The following HERC1 variants were observed in gnomAD, a reference collection of about 807,000 sequenced individuals.
The protein encoded by HERC1 is probable E3 ubiquitin-protein ligase HERC1.
Under a neutral mutation model 554.3 loss-of-function variants are expected in HERC1, and 160 were observed. That is an observed-to-expected ratio of 0.29 (90% CI 0.25 to 0.33). The LOEUF is 0.33. Ranked by LOEUF, HERC1 falls within the 10% of genes least tolerant of loss-of-function variation. The pLI is 1.00. For synonymous variants in HERC1, 2,175 were observed against 2,131.7 expected (o/e 1.02, Z -0.56); for missense variants, 4,919 against 5,918.5 (o/e 0.83, Z 5.54).
intron 1 of HERC1, among the ~76,000 whole-genome samples, chr15:63,777,678 A>G (rs1327279927): frequency 6.6e-6 from 1 of 152,120 alleles, no homozygotes; most frequent in Non-Finnish European, 1.5e-5. Flanking sequence ...TTCTAAATCT[A>G]TCTTTTACAT....
chr15:63,673,260 A>G (rs1463103777), intron 38 of HERC1, among the ~76,000 whole-genome samples: 1 of 152,192 alleles, frequency 6.6e-6, no homozygotes, highest in Non-Finnish European at 1.5e-5. Context: ...AAACATAACT[A>G]AAATATGAGT....
chr15:63,690,854 T>C (rs1384179545), intron 31 of HERC1, among the ~76,000 whole-genome samples: 1 of 152,202 alleles, frequency 6.6e-6, no homozygotes, highest in Non-Finnish European at 1.5e-5. Context: ...TTTTTATGTA[T>C]ACATAATGGG....
In HERC1 at chr15:63,661,887, G is replaced by A; in HGVS notation, c.9036C>T (p.Arg3012=). The A allele has an allele frequency of 6.2e-7, 1 of 1,613,976 alleles. No individual in the cohort carries two copies. The highest frequency in any genetic ancestry group is 8.5e-7 in the Non-Finnish European group (1 of 1,179,882). ...AGCCATCCACATAGGAACCATTGCT[G>A]CGATAGCCCTGGCGGTTTGCACTGC... ...CGRSANRQGY[R]SNGSYVDGWF... Residue 3012 remains arginine (R), a synonymous_variant, in exon 45 of 78, where the codon CGC becomes CGT. Coordinates refer to ENST00000443617, the MANE Select transcript of HERC1 (RefSeq NM_003922.4).
chr15:63,697,418 G>A (rs1490749961), intron 26 of HERC1, among the ~76,000 whole-genome samples: 2 of 150,722 alleles, frequency 1.3e-5, no homozygotes, highest in Admixed American at 6.6e-5. Flanking sequence ...ACACTATATC[G>A]ACATGACTTA....
At position 63,746,975 on chromosome 15, in the gene HERC1, T is replaced by C. The variant is rs372810110; in HGVS notation, c.2463A>G (p.Pro821=). The stretch of plus-strand genomic sequence containing the variant: ...TCAGTCTGAAGAGCAAATTTCGAAG[T>C]GGACCTGCCTGCCTCCCGAGAATGC... The part of the protein sequence containing the change: ...ATSILGRQAG[P]LRNLLFRLMD... The change falls in exon 12 of 78, where the codon CCA becomes CCG. Residue 821 remains proline, a synonymous_variant. Coordinates refer to ENST00000443617, the MANE Select transcript of HERC1 (RefSeq NM_003922.4). 13 of 1,559,020 alleles carry C rather than the reference T, an allele frequency of 8.3e-6. No homozygotes were observed. In the South Asian group the frequency reaches 1.4e-4, roughly 17 times the overall value.
chr15:63,694,386 C>T lies in HERC1; in HGVS notation c.5406G>A (p.Thr1802=), dbSNP rs776755725. 12 of 1,613,908 alleles carry T rather than the reference C, an allele frequency of 7.4e-6. No individual in the cohort carries two copies. Among genetic ancestry groups the T allele is most frequent in the Non-Finnish European group, 8.5e-6 (10 of 1,179,880 alleles). Residue 1802 remains threonine (T), a synonymous_variant, in exon 29 of 78, where the codon ACG becomes ACA. Transcript: ENST00000443617. The surrounding 1 kb of genome is among the most constrained non-coding windows in gnomAD (Gnocchi z 4.3). ...LGQPLQLLPK[T]GVSQLSTALK... ...AAGCTGTGCTAAGCTGGGAAACACC[C>T]GTCTTTGGCAACAACTGCAGGGGCT...
chr15:63,614,653 C>T (rs2067739295), intron 76 of HERC1, among the ~76,000 whole-genome samples: 1 of 152,118 alleles, frequency 6.6e-6, no homozygotes, highest in African/African-American at 2.4e-5. Context: ...CTTGAGAAGA[C>T]CCCAACATAT....
Position 63,655,841 on chromosome 15 carries a change from A to C in HERC1, c.9985T>G (p.Ser3329Ala). 6.2e-7 allele frequency: 1 copy of C among 1,604,888 alleles called. No individual in the cohort carries two copies. The highest frequency in any genetic ancestry group is 2.2e-5 in the East Asian group (1 of 44,706). ...GIAEENKLVT[S>A]PNFVVTQALV... ...GCCTGTGTTACAACAAAGTTTGGGG[A>C]GGTCACAAGCTTGTTCTCTTCAGCA... The change falls in exon 50 of 78, where the codon TCC becomes GCC. Residue 3329 changes from serine (S) to alanine (A), a missense_variant. Physicochemically the swap from Ser to Ala is moderately conservative, Grantham distance 99. Transcript: ENST00000443617.
At chr15:63,652,812 G>A (rs2069769444) in intron 51 of HERC1, among the ~76,000 whole-genome samples, 1 of 151,922 alleles carries the variant, frequency 6.6e-6, no homozygotes, top group Non-Finnish European at 1.5e-5. Flanking sequence ...CACCACAACT[G>A]GATAATTTTT....
intron 22 of HERC1, among the ~76,000 whole-genome samples, chr15:63,715,325 A>G (rs1596048964): frequency 6.6e-6 from 1 of 152,200 alleles, no homozygotes; most frequent in East Asian, 1.9e-4. Context: ...TTTTATTGTA[A>G]TTGAGGGTTA....
At chr15:63,668,045 C>T (rs1215146844) in intron 40 of HERC1, among the ~76,000 whole-genome samples, 2 of 151,910 alleles carry the variant, frequency 1.3e-5, no homozygotes, top group African/African-American at 2.4e-5. Flanking sequence ...GTTCAAGGGT[C>T]AACTGTATAG....
At chr15:63,639,636 G>A (rs2068946033) in intron 61 of HERC1, among the ~76,000 whole-genome samples, 1 of 152,196 alleles carries the variant, frequency 6.6e-6, no homozygotes, top group South Asian at 2.1e-4. Flanking sequence ...GAGGTTGTTA[G>A]ATCATGTGCT....
intron 12 of HERC1, among the ~76,000 whole-genome samples, chr15:63,743,087 C>T (rs1448641915): frequency 1.3e-5 from 2 of 152,062 alleles, no homozygotes; most frequent in African/African-American, 2.4e-5. Context: ...GTGGAATTCA[C>T]AAGTGAAGCC....
rs2067648358 is a variant in HERC1, at chr15:63,612,598, A to G, written c.14095-42T>C. 6.3e-7 allele frequency: 1 copy of G among 1,576,854 alleles called. No individual in the cohort carries two copies. The highest frequency in any genetic ancestry group is 1.7e-5 in the Admixed American group (1 of 58,608). ...TTGCTCATTCAATGAGTGTGCGTGA[A>G]CCTGGCACCCACCAAGGGCCCTGTG... On this transcript the variant is annotated intron_variant, in intron 76 of 77. Coordinates refer to ENST00000443617, the MANE Select transcript of HERC1 (RefSeq NM_003922.4). The surrounding 1 kb of genome is among the most constrained non-coding windows in gnomAD (Gnocchi z 5.0).
At chr15:63,638,034 G>A (rs1339021005) in intron 63 of HERC1, among the ~76,000 whole-genome samples, 5 of 152,120 alleles carry the variant, frequency 3.3e-5, no homozygotes, top group South Asian at 2.1e-4. Context: ...AGGGTTTGGC[G>A]CTATATCGTA....
At position 63,658,537 on chromosome 15, in the gene HERC1, C is replaced by T. The variant is rs757585823; in HGVS notation, c.9599+7G>A. On this transcript the variant is annotated splice_region_variant and intron_variant, in intron 48 of 77. Coordinates refer to ENST00000443617, the MANE Select transcript of HERC1 (RefSeq NM_003922.4). ...CTTAGCATCATGTGACATAAAATAA[C>T]ACTTACCTGACTGAGAGAAGAGACA... The T allele has an allele frequency of 8.7e-6, 14 of 1,605,300 alleles. No homozygotes were observed. The South Asian group carries it at 1.6e-4, about 18-fold the overall frequency.
chr15:63,695,665 G>A (rs1018795488), intron 27 of HERC1, among the ~76,000 whole-genome samples: 1 of 152,184 alleles, frequency 6.6e-6, no homozygotes, highest in African/African-American at 2.4e-5. Flanking sequence ...TGGGATTATA[G>A]GTGTGAGCCA....
intron 55 of HERC1, 60 bp downstream of exon 55, chr15:63,648,009 T>C (rs1026831581): frequency 5.3e-6 from 7 of 1,326,016 alleles, no homozygotes; most frequent in Middle Eastern, 1.8e-4. Flanking sequence ...GTGTAATCTA[T>C]GCATGTAACA....
At chr15:63,699,674 T>C (rs181503156) in intron 25 of HERC1, among the ~76,000 whole-genome samples, 184 of 152,286 alleles carry the variant, frequency 1.2e-3, no homozygotes, top group African/African-American at 4.3e-3. Flanking sequence ...TGTAAAATGA[T>C]ACCTATATAA....
Sources: allele counts gnomAD v4.1 joint callset (sites outside exome capture counted in the v4.1 genomes callset), GRCh38; gene constraint gnomAD v4.1.1; non-coding constraint Gnocchi (gnomAD v3.1); transcripts MANE v1.5; gene names NCBI Gene and HGNC (gene_info 2026-07-23, HGNC 2026-07-21).